Variants in ACTN2 observed in about 807,000 individuals in gnomAD.
ACTN2 encodes alpha-actinin-2.
ACTN2 carries 39 observed loss-of-function variants against 113.8 expected under a neutral mutation model. That is an observed-to-expected ratio of 0.34 (90% CI 0.27 to 0.45). ACTN2 has a LOEUF of 0.45. ACTN2 is among the 20% of genes least tolerant of loss of function. The probability of loss-of-function intolerance (pLI) is 1.00; values close to 1 mark genes in which losing one functional copy is unlikely to be tolerated. For missense variants in ACTN2, 992 were observed against 1,177.9 expected, an observed-to-expected ratio of 0.84 and a Z score of 2.31; for synonymous variants, 429 against 444.1, an observed-to-expected ratio of 0.97 and a Z score of 0.43.
chr1:236,703,527 C>T (rs2102872905), intron 1 of ACTN2, among the ~76,000 whole-genome samples: 1 of 139,618 alleles, frequency 7.2e-6, no homozygotes, highest in East Asian at 2.1e-4. Context: ...TTAACATATG[C>T]TTCTAGCCCT....
chr1:236,687,349 C>T (rs1665912325), intron 1 of ACTN2, among the ~76,000 whole-genome samples: 1 of 152,138 alleles, frequency 6.6e-6, no homozygotes, highest in Non-Finnish European at 1.5e-5. Context: ...ATTTATAATT[C>T]ATTGAGGTAA....
chr1:236,695,563 T>TTGCC (rs1553296741), intron 1 of ACTN2, among the ~76,000 whole-genome samples: 1 of 100,794 alleles, frequency 9.9e-6, no homozygotes, highest in Non-Finnish European at 1.9e-5. Flanking sequence ...TGAAATGAGT[T>TTGCC]CCCCCCCCCT....
chr1:236,719,190 G>A (rs781400031), intron 3 of ACTN2, among the ~76,000 whole-genome samples, 177 bp downstream of exon 3: 5 of 152,188 alleles, frequency 3.3e-5, no homozygotes, highest in Non-Finnish European at 5.9e-5. Flanking sequence ...TACCATGAGT[G>A]GGAGACCAAG....
chr1:236,751,686 G>T (rs1178734774), intron 15 of ACTN2, 34 bp downstream of exon 15: 1 of 1,613,004 alleles, frequency 6.2e-7, no homozygotes, highest in African/African-American at 1.3e-5. Flanking sequence ...GGGACCAGGG[G>T]GCATTCTTGA....
At chr1:236,688,020 G>C (rs1665936761) in intron 1 of ACTN2, among the ~76,000 whole-genome samples, 1 of 152,108 alleles carries the variant, frequency 6.6e-6, no homozygotes, top group African/African-American at 2.4e-5. Flanking sequence ...GAAAATGGGA[G>C]TAATAAATAG....
chr1:236,715,220 A>T (rs112267838), intron 1 of ACTN2, among the ~76,000 whole-genome samples: 1 of 149,328 alleles, frequency 6.7e-6, no homozygotes, highest in Non-Finnish European at 1.5e-5. Context: ...GGTTTGTTAC[A>T]TATGTATACA....
At chr1:236,695,072 T>TA (rs1558221109) in intron 1 of ACTN2, among the ~76,000 whole-genome samples, 3 of 151,476 alleles carry the variant, frequency 2.0e-5, no homozygotes, top group Non-Finnish European at 2.9e-5. Context: ...AGCTTTTCGT[T>TA]AAAAAATGTT....
At chr1:236,706,325 A>G (rs1336074790) in intron 1 of ACTN2, among the ~76,000 whole-genome samples, 1 of 152,158 alleles carries the variant, frequency 6.6e-6, no homozygotes, top group Non-Finnish European at 1.5e-5. Flanking sequence ...TATTCAACAA[A>G]TAGTTACTGA....
chr1:236,716,801 C>A (rs1336568888), intron 1 of ACTN2, among the ~76,000 whole-genome samples: 2 of 151,460 alleles, frequency 1.3e-5, no homozygotes, highest in Non-Finnish European at 2.9e-5. Context: ...CACAATATCA[C>A]CCACCCTCTC....
intron 1 of ACTN2, among the ~76,000 whole-genome samples, chr1:236,690,414 T>A (rs1192401854): frequency 6.6e-6 from 1 of 152,194 alleles, no homozygotes; most frequent in Non-Finnish European, 1.5e-5. Context: ...AGAAAGCTTG[T>A]GACATTTCTC....
At chr1:236,703,591 A>G (rs370361138) in intron 1 of ACTN2, among the ~76,000 whole-genome samples, 3 of 151,926 alleles carry the variant, frequency 2.0e-5, no homozygotes, top group African/African-American at 7.3e-5. Flanking sequence ...TGAATTTAAC[A>G]GTTAAAAGGT....
chr1:236,747,661 TA>T lies in ACTN2; in HGVS notation c.1407-4del. ...GTTAATCTTTATTTATTTTCACTTT[TA>T]ATAGTGAACTGGACTATCACGACGC... On this transcript the variant is annotated splice_polypyrimidine_tract_variant and splice_region_variant and intron_variant, in intron 12 of 20. Transcript: ENST00000366578. 6.2e-7 allele frequency: 1 copy of T among 1,612,636 alleles called. No individual in the cohort carries two copies. Among genetic ancestry groups the T allele is most frequent in the South Asian group, 1.1e-5 (1 of 90,960 alleles).
chr1:236,734,986 T>TCG (rs1658824092), intron 7 of ACTN2, among the ~76,000 whole-genome samples: 1 of 152,236 alleles, frequency 6.6e-6, no homozygotes, highest in African/African-American at 2.4e-5. Flanking sequence ...GTAGAAATAG[T>TCG]AGCGAGTCTT....
chr1:236,749,260 T>A lies in ACTN2; in HGVS notation c.1652T>A (p.Ile551Asn). 6.2e-7 allele frequency: 1 copy of A among 1,614,124 alleles called. No individual in the cohort carries two copies. Among genetic ancestry groups the A allele is most frequent in the Non-Finnish European group, 8.5e-7 (1 of 1,180,020 alleles). ...TTCATTGTCCACAGCATTGAGGAGATCCAGGTAATGGAACCGCAACTCTGT... is the reference window on the plus strand; with the variant it reads ...TTCATTGTCCACAGCATTGAGGAGAACCAGGTAATGGAACCGCAACTCTGT... ...DMFIVHSIEE[I>N]QSLITAHEQF... Residue 551 changes from isoleucine (I) to asparagine (N), a missense_variant, in exon 14 of 21, where the codon ATC becomes AAC. Physicochemically the swap from Ile to Asn is moderately radical, Grantham distance 149. Around this residue, in one of 3 missense-constraint regions of ACTN2, gnomAD observed 736 missense variants for 815.4 expected, o/e 0.90. Transcript: ENST00000366578.
chr1:236,708,869 C>T (rs756113980), intron 1 of ACTN2, among the ~76,000 whole-genome samples: 5 of 152,194 alleles, frequency 3.3e-5, no homozygotes, highest in South Asian at 2.1e-4. Flanking sequence ...TTTGGAGAGA[C>T]GGCTTTGACC....
intron 1 of ACTN2, among the ~76,000 whole-genome samples, chr1:236,707,246 G>T (rs879658631): frequency 3.9e-5 from 6 of 152,230 alleles, no homozygotes; most frequent in East Asian, 1.9e-4. Context: ...TCCAGCAGGG[G>T]TATGAATACT....
chr1:236,715,452 C>G (rs1027061175), intron 1 of ACTN2, among the ~76,000 whole-genome samples: 18 of 151,800 alleles, frequency 1.2e-4, no homozygotes, highest in African/African-American at 4.4e-4. Context: ...ACTTAATTAT[C>G]TATAGTGTTG....
intron 1 of ACTN2, among the ~76,000 whole-genome samples, 195 bp downstream of exon 1, chr1:236,686,994 C>CGTGT (rs748896824): frequency 6.6e-6 from 1 of 152,020 alleles, no homozygotes; most frequent in Non-Finnish European, 1.5e-5. Flanking sequence ...CACTGGGCGT[C>CGTGT]GTGTGTGTGC....
chr1:236,739,568 G>A, intron 10 of ACTN2, 36 bp downstream of exon 10: 1 of 1,606,096 alleles, frequency 6.2e-7, no homozygotes. Flanking sequence ...TGGCGCCACG[G>A]GAAGCCCTCC....
Sources: allele counts gnomAD v4.1 joint callset (sites outside exome capture counted in the v4.1 genomes callset), GRCh38; gene constraint gnomAD v4.1.1; regional missense constraint gnomAD v4.1.1; transcripts MANE v1.5; gene names NCBI Gene and HGNC (gene_info 2026-07-23, HGNC 2026-07-21).